TMEM272: variants seen among roughly 807,000 people sequenced by gnomAD.
The protein encoded by TMEM272 is transmembrane protein 272.
Under a neutral mutation model 3.7 loss-of-function variants are expected in TMEM272, and 8 were observed. The ratio of observed to expected loss-of-function variants is 2.17; its 90% CI spans 1.27 to 3.91. The LOEUF (loss-of-function observed/expected upper bound fraction) is 3.91, where lower values mean the gene tolerates loss of function less well. Ranked by LOEUF, TMEM272 falls within the 30% of genes most tolerant of loss-of-function variation. TMEM272 has a pLI of 0.00. For synonymous variants in TMEM272, 63 were observed against 39.8 expected, an observed-to-expected ratio of 1.58 and a Z score of -2.20; for missense variants, 166 against 91.5, an observed-to-expected ratio of 1.81 and a Z score of -3.32.
the TMEM272 span, among the ~76,000 whole-genome samples, chr13:51,926,430 T>C: frequency 9.2e-5 from 14 of 152,168 alleles, no homozygotes; most frequent in African/African-American, 2.4e-4. Context: ...ATCTGCTTCA[T>C]GGGCAGTGGA....
At chr13:51,851,007 A>T in the TMEM272 span, among the ~76,000 whole-genome samples, 5 of 152,142 alleles carry the variant, frequency 3.3e-5, no homozygotes, top group Admixed American at 3.3e-4. Flanking sequence ...CTGTAGGGGT[A>T]TGGTATATAT....
the TMEM272 span, among the ~76,000 whole-genome samples, chr13:51,890,187 C>T: frequency 2.6e-5 from 4 of 152,112 alleles, no homozygotes; most frequent in African/African-American, 7.2e-5. Context: ...GGTCTATACA[C>T]CCCCTGCTAT....
chr13:51,912,220 G>C, the TMEM272 span, among the ~76,000 whole-genome samples: 4 of 152,048 alleles, frequency 2.6e-5, no homozygotes, highest in Admixed American at 6.5e-5. Context: ...TTCCAGTCCC[G>C]AGCACAGTGT....
chr13:51,858,246 CATAGAG>C, the TMEM272 span, among the ~76,000 whole-genome samples: 1 of 152,242 alleles, frequency 6.6e-6, no homozygotes, highest in South Asian at 2.1e-4. Flanking sequence ...CTAATTCAGA[CATAGAG>C]AGAGAGAACA....
chr13:51,910,586 C>A, the TMEM272 span: 2 of 658,600 alleles, frequency 3.0e-6, no homozygotes, highest in Non-Finnish European at 5.8e-6. Context: ...GGACCAGCCC[C>A]AAGTACAGCT....
chr13:51,838,085 C>T (rs1013371490), intron 2 of TMEM272, among the ~76,000 whole-genome samples: 2 of 152,092 alleles, frequency 1.3e-5, no homozygotes, highest in Non-Finnish European at 2.9e-5. Context: ...GGGGGAATAT[C>T]CAATTTAGTA....
At chr13:51,903,735 G>A in the TMEM272 span, among the ~76,000 whole-genome samples, 3 of 152,146 alleles carry the variant, frequency 2.0e-5, no homozygotes, top group Non-Finnish European at 4.4e-5. Flanking sequence ...AAAAAGACTC[G>A]TGTGGGTGTG....
chr13:51,876,018 G>T, the TMEM272 span, among the ~76,000 whole-genome samples: 1 of 152,162 alleles, frequency 6.6e-6, no homozygotes, highest in East Asian at 1.9e-4. Context: ...TTCCTAGAGC[G>T]GATCTCTTTT....
chr13:51,891,484 C>G, the TMEM272 span, among the ~76,000 whole-genome samples: 1 of 152,184 alleles, frequency 6.6e-6, no homozygotes, highest in Non-Finnish European at 1.5e-5. Context: ...CATGCATTTA[C>G]TGAATTGCCC....
upstream of TMEM272, among the ~76,000 whole-genome samples, chr13:51,847,470 C>T (rs1003102818): frequency 6.6e-6 from 1 of 152,190 alleles, no homozygotes; most frequent in African/African-American, 2.4e-5. Context: ...AAACTGGTCT[C>T]CGGTGCCAAA....
chr13:51,854,823 T>A, the TMEM272 span, among the ~76,000 whole-genome samples: 1 of 152,370 alleles, frequency 6.6e-6, no homozygotes, highest in South Asian at 2.1e-4. Context: ...TTATTATTGA[T>A]TTATTTACTG....
intron 2 of TMEM272, among the ~76,000 whole-genome samples, chr13:51,830,987 T>G (rs1001950073): frequency 6.6e-6 from 1 of 152,112 alleles, no homozygotes; most frequent in Non-Finnish European, 1.5e-5. Flanking sequence ...TAAAGTCTAA[T>G]GAGGCTCACT....
At chr13:51,832,776 C>T (rs1260346490) in intron 2 of TMEM272, among the ~76,000 whole-genome samples, 2 of 152,236 alleles carry the variant, frequency 1.3e-5, no homozygotes, top group Non-Finnish European at 2.9e-5. Flanking sequence ...TTTATTAGCA[C>T]TTAATCCCCT....
intron 4 of TMEM272, among the ~76,000 whole-genome samples, chr13:51,818,943 G>A (rs1357513642): frequency 1.3e-5 from 2 of 152,048 alleles, no homozygotes; most frequent in Non-Finnish European, 2.9e-5. Context: ...GAAGGGCAGT[G>A]GTCCACACCT....
At chr13:51,826,800 C>A (rs766816872) in intron 2 of TMEM272, among the ~76,000 whole-genome samples, 175 bp from the exon 3 acceptor site, 17 of 152,220 alleles carry the variant, frequency 1.1e-4, no homozygotes, top group Non-Finnish European at 2.4e-4. Flanking sequence ...TGGATGCAAG[C>A]CAAGACTTGC....
At chr13:51,848,412 G>C (rs1339983673), upstream of TMEM272, among the ~76,000 whole-genome samples, 1 of 152,132 alleles carries the variant, frequency 6.6e-6, no homozygotes, top group African/African-American at 2.4e-5. Context: ...GGCACATTAG[G>C]GGAGATGATA....
chr13:51,841,984 C>G, intron 1 of TMEM272, among the ~76,000 whole-genome samples: 1 of 152,084 alleles, frequency 6.6e-6, no homozygotes, highest in East Asian at 1.9e-4. Flanking sequence ...AAATGCTGGC[C>G]GACAAACTTT....
the TMEM272 span, among the ~76,000 whole-genome samples, chr13:51,931,126 G>A: frequency 1.3e-5 from 2 of 152,076 alleles, no homozygotes; most frequent in Non-Finnish European, 2.9e-5. Context: ...GTATCCAAAG[G>A]ATTATAAATC....
At chr13:51,894,008 AAGGCCTGAGAC>A in the TMEM272 span, among the ~76,000 whole-genome samples, 1 of 152,230 alleles carries the variant, frequency 6.6e-6, no homozygotes, top group Non-Finnish European at 1.5e-5. Context: ...CGGAGCCTGG[AAGGCCTGAGAC>A]AGGCCAGCAA....
Sources: allele counts gnomAD v4.1 joint callset (sites outside exome capture counted in the v4.1 genomes callset), GRCh38; gene constraint gnomAD v4.1.1; transcripts MANE v1.5; gene names NCBI Gene and HGNC (gene_info 2026-07-23, HGNC 2026-07-21).